Variants in PPFIA1 observed in about 807,000 individuals in gnomAD.
The protein encoded by PPFIA1 is liprin-alpha-1.
In PPFIA1, 25 loss-of-function variants were observed where a neutral mutation model predicts 149.9. The observed-to-expected ratio is 0.17, with a 90% CI of 0.12 to 0.23. The LOEUF (loss-of-function observed/expected upper bound fraction) is 0.23. Ranked by LOEUF, PPFIA1 falls within the 10% of genes least tolerant of loss-of-function variation. The pLI is 1.00. For missense variants in PPFIA1, 1,362 were observed against 1,506.5 expected (o/e 0.90, Z 1.59); for synonymous variants, 549 against 552.8 (o/e 0.99, Z 0.10).
intron 2 of PPFIA1, among the ~76,000 whole-genome samples, chr11:70,275,476 T>C (rs1205097978): frequency 6.6e-6 from 1 of 152,216 alleles, no homozygotes; most frequent in Non-Finnish European, 1.5e-5. Flanking sequence ...TGTTTAATGC[T>C]CTTTGTGTCC....
chr11:70,349,633 A>G (rs2055930163), intron 16 of PPFIA1, among the ~76,000 whole-genome samples: 2 of 152,194 alleles, frequency 1.3e-5, no homozygotes, highest in Admixed American at 1.3e-4. Context: ...CATGCAATTA[A>G]ATCGACGGTG....
chr11:70,349,071 C>T (rs559962698), intron 16 of PPFIA1, among the ~76,000 whole-genome samples: 26 of 133,428 alleles, frequency 1.9e-4, no homozygotes, highest in African/African-American at 7.3e-4. Flanking sequence ...GGAAAATGCA[C>T]AAAGTGGGTC....
intron 19 of PPFIA1, among the ~76,000 whole-genome samples, chr11:70,360,772 T>A (rs1373268482): frequency 6.6e-6 from 1 of 152,256 alleles, no homozygotes; most frequent in Non-Finnish European, 1.5e-5. Context: ...CAATATCAAA[T>A]TTTTAAAAAT....
At chr11:70,342,362 G>A (rs919967807) in intron 14 of PPFIA1, among the ~76,000 whole-genome samples, 1 of 152,168 alleles carries the variant, frequency 6.6e-6, no homozygotes, top group African/African-American at 2.4e-5. Context: ...GTGAGAATGG[G>A]AGAGGAGGTG....
intron 2 of PPFIA1, among the ~76,000 whole-genome samples, chr11:70,278,673 A>G (rs1236336534): frequency 6.6e-6 from 1 of 152,256 alleles, no homozygotes; most frequent in Non-Finnish European, 1.5e-5. Flanking sequence ...AGTCAACTCA[A>G]TCAAAACCCA....
intron 21 of PPFIA1, chr11:70,365,966 A>C (rs922187677): frequency 1.1e-5 from 5 of 456,556 alleles, no homozygotes; most frequent in Non-Finnish European, 2.2e-5. Context: ...AGCTGGGCTC[A>C]GGTTGGAGTC....
chr11:70,339,098 A>G, intron 13 of PPFIA1, 73 bp from the exon 14 acceptor site: 2 of 1,569,148 alleles, frequency 1.3e-6, no homozygotes, highest in South Asian at 2.3e-5. Flanking sequence ...AAATTGATAG[A>G]TTCTGCCTTA....
intron 2 of PPFIA1, among the ~76,000 whole-genome samples, chr11:70,283,584 C>T (rs1002971770): frequency 4.6e-5 from 7 of 152,046 alleles, no homozygotes; most frequent in African/African-American, 1.4e-4. Flanking sequence ...ATTGAGGAGG[C>T]GAGAGGGTGC....
At chr11:70,284,136 A>C (rs1420414317) in intron 2 of PPFIA1, 3 of 440,348 alleles carry the variant, frequency 6.8e-6, no homozygotes, top group African/African-American at 6.2e-5. Context: ...TGAACAAATT[A>C]GGAAGAATTG....
chr11:70,326,748 T>G lies in PPFIA1; in HGVS notation c.860T>G (p.Leu287Arg). 2 of 1,614,218 alleles carry G rather than the reference T, an allele frequency of 1.2e-6. No individual in the cohort carries two copies. The highest frequency in any genetic ancestry group is 1.7e-6 in the Non-Finnish European group (2 of 1,180,040). Residue 287 changes from leucine (L) to arginine (R), a missense_variant, in exon 7 of 28, where the codon CTG (leucine) becomes CGG (arginine). Physicochemically the swap from Leu to Arg is moderately radical, Grantham distance 102. This residue lies in a region of PPFIA1 where 733 missense variants were observed against 744.1 expected (regional missense o/e 0.99). Transcript: ENST00000253925. ...CATGTGACAGAACTGGAAGAGGATC[T>G]GGACACGGCTAGAAAAGATCTCATC... ...SSHVTELEED[L>R]DTARKDLIKS...
intron 2 of PPFIA1, among the ~76,000 whole-genome samples, chr11:70,321,900 G>A (rs7130893): frequency 0.22 from 33,198 of 152,084 alleles, 5,512 homozygotes; most frequent in African/African-American, 0.46. Context: ...ATGGAGTTTC[G>A]CTCTTGTTGC....
intron 2 of PPFIA1, among the ~76,000 whole-genome samples, chr11:70,302,210 G>C (rs2052530616): frequency 6.6e-6 from 1 of 152,230 alleles, no homozygotes; most frequent in Non-Finnish European, 1.5e-5. Flanking sequence ...AGGGGATCGT[G>C]GGGATGGCAG....
chr11:70,278,586 A>C (rs79372599), intron 2 of PPFIA1, among the ~76,000 whole-genome samples: 7,950 of 152,192 alleles, frequency 0.052, 750 homozygotes, highest in African/African-American at 0.18. Flanking sequence ...CAGAGTGGAA[A>C]TAATGTTTGT....
chr11:70,290,944 G>A (rs573323610), intron 2 of PPFIA1, among the ~76,000 whole-genome samples: 122 of 152,262 alleles, frequency 8.0e-4, no homozygotes, highest in Non-Finnish European at 1.5e-3. Flanking sequence ...GGAATGTAGT[G>A]GCACAATCTT....
chr11:70,378,786 G>A (rs559754214), intron 26 of PPFIA1, among the ~76,000 whole-genome samples: 1 of 152,344 alleles, frequency 6.6e-6, no homozygotes, highest in East Asian at 1.9e-4. Context: ...GCCAGAGAGA[G>A]AGCATCACTG....
At chr11:70,327,791 A>T (rs1355067556) in intron 7 of PPFIA1, 1 of 152,048 alleles carries the variant, frequency 6.6e-6, no homozygotes, top group African/African-American at 2.4e-5. Flanking sequence ...AAAAGAGAGA[A>T]ACTATTTGAT....
At chr11:70,352,742 T>G (rs1591313914) in intron 16 of PPFIA1, among the ~76,000 whole-genome samples, 1 of 65,714 alleles carries the variant, frequency 1.5e-5, no homozygotes. Flanking sequence ...GGGCGGCGTG[T>G]GGAGGGGTGG....
rs764459505 is a variant in PPFIA1, at chr11:70,339,259, C to T, written c.1660C>T (p.Arg554Cys). ...DSYSTSAVLRRPQKGRLAALR... is the reference protein window; with the variant it reads ...DSYSTSAVLRCPQKGRLAALR... ...CTACAGCACCAGTGCAGTGCTGCGG[C>T]GCCCACAGAAAGGCCGGCTGGCAGC... is the stretch of plus-strand genomic sequence containing the variant. The change falls in exon 14 of 28, where the codon CGC (arginine) becomes TGC (cysteine). Residue 554 changes from arginine to cysteine, a missense_variant. Transcript: ENST00000253925. The T allele has an allele frequency of 7.7e-5, 124 of 1,614,000 alleles. No homozygotes were observed. The highest frequency in any genetic ancestry group is 9.3e-5 in the Non-Finnish European group (110 of 1,179,956).
chr11:70,344,530 C>T (rs147486268), intron 15 of PPFIA1, among the ~76,000 whole-genome samples: 88 of 152,322 alleles, frequency 5.8e-4, no homozygotes, highest in African/African-American at 2.1e-3. Flanking sequence ...GAAAGGAGCG[C>T]GTTGCTATCA....
Sources: allele counts gnomAD v4.1 joint callset (sites outside exome capture counted in the v4.1 genomes callset), GRCh38; gene constraint gnomAD v4.1.1; regional missense constraint gnomAD v4.1.1; transcripts MANE v1.5; gene names NCBI Gene and HGNC (gene_info 2026-07-23, HGNC 2026-07-21).